PPP2R5D: variants seen among roughly 807,000 people sequenced by gnomAD.
PPP2R5D encodes protein phosphatase 2 regulatory subunit B'delta, also known as serine/threonine-protein phosphatase 2A 56 kDa regulatory subunit delta isoform.
PPP2R5D carries 12 observed loss-of-function variants against 79.1 expected under a neutral mutation model. The ratio of observed to expected loss-of-function variants is 0.15; its 90% CI spans 0.10 to 0.25. The LOEUF is 0.25. PPP2R5D is among the 10% of genes least tolerant of loss of function. The pLI, the probability that PPP2R5D is intolerant of heterozygous loss-of-function variation, is 1.00. For synonymous variants in PPP2R5D, 277 were observed against 286.6 expected, an observed-to-expected ratio of 0.97 and a Z score of 0.34; for missense variants, 419 against 760.2, an observed-to-expected ratio of 0.55 and a Z score of 5.28.
intron 2 of PPP2R5D, among the ~76,000 whole-genome samples, chr6:42,995,672 T>A (rs1207003215): frequency 1.3e-5 from 2 of 149,196 alleles, no homozygotes; most frequent in Non-Finnish European, 3.0e-5. Flanking sequence ...CCTGCCTCAG[T>A]CTCCCAAGTA....
At chr6:42,994,016 A>T (rs924014122) in intron 2 of PPP2R5D, among the ~76,000 whole-genome samples, 1 of 152,216 alleles carries the variant, frequency 6.6e-6, no homozygotes, top group African/African-American at 2.4e-5. Flanking sequence ...ACTGAGGCTT[A>T]GAAATGTTAA....
rs539718065 is a variant in PPP2R5D at position 43,004,004 on chromosome 6, C to T, written c.106-2459C>T. 3.8e-4 allele frequency among the ~76,000 whole-genome samples: 58 copies of T among 151,500 alleles called. 1 individual carries two copies. Among genetic ancestry groups the T allele is most frequent in the African/African-American group, 1.3e-3 (53 of 41,202 alleles). The stretch of plus-strand genomic sequence containing the variant: ...AAGTGTTGGGATTACAGGCGTGAGC[C>T]ACCGCGCCCGGCCTGTGTATTTACT... On this transcript the variant is annotated intron_variant, in intron 2 of 15. Transcript: ENST00000485511.
chr6:43,001,586 A>G (rs1364574982), intron 2 of PPP2R5D, among the ~76,000 whole-genome samples: 1 of 152,016 alleles, frequency 6.6e-6, no homozygotes, highest in African/African-American at 2.4e-5. Context: ...GGTACCTCTT[A>G]TAAAATGCTT....
chr6:42,985,687 C>A (rs1770789491), intron 1 of PPP2R5D, among the ~76,000 whole-genome samples: 1 of 151,832 alleles, frequency 6.6e-6, no homozygotes, highest in Admixed American at 6.6e-5. Context: ...TTTGTCCTCA[C>A]TGTCAGATTA....
Position 43,011,555 on chromosome 6 carries a change from T to C in PPP2R5D, c.*269T>C. 1.9e-6 allele frequency: 1 copy of C among 516,038 alleles called. No homozygotes were observed. The highest frequency in any genetic ancestry group is 1.9e-5 in the African/African-American group (1 of 52,316). The allele number at this position is 516,038 out of a possible 1,614,324, so 32.0% of individuals were successfully genotyped here. ...AACCTGGGGATGCCTGTCCCCTACC[T>C]GCTCCTCACCCACAGCTACCTGAGG... On this transcript the variant is annotated 3_prime_UTR_variant, in exon 16 of 16. Coordinates refer to ENST00000485511, the MANE Select transcript of PPP2R5D (RefSeq NM_006245.4).
chr6:43,002,971 C>T (rs1229011878), intron 2 of PPP2R5D, among the ~76,000 whole-genome samples: 2 of 152,124 alleles, frequency 1.3e-5, no homozygotes, highest in Non-Finnish European at 2.9e-5. Context: ...CAAGGGCTGT[C>T]CTGTGGTTTA....
At position 43,010,363 on chromosome 6, in the gene PPP2R5D, T is replaced by C; in HGVS notation, c.1380-105T>C. ...AGGTTTGTGAACTGGAAGTAGTAAATGACAAAGCTCTTAGCAGAGATACCC... is the reference window on the plus strand; with the variant it reads ...AGGTTTGTGAACTGGAAGTAGTAAACGACAAAGCTCTTAGCAGAGATACCC... On this transcript the variant is annotated intron_variant, in intron 12 of 15. Transcript: ENST00000485511. The surrounding 1 kb of genome is among the most constrained non-coding windows in gnomAD (Gnocchi z 4.7). The C allele has an allele frequency of 1.1e-6, 1 of 895,902 alleles. No homozygotes were observed. 55.5% of individuals were successfully genotyped at this position (895,902 alleles called of 1,614,324 possible).
intron 1 of PPP2R5D, among the ~76,000 whole-genome samples, chr6:42,984,916 C>T (rs1179586164): frequency 1.3e-5 from 2 of 151,250 alleles, no homozygotes; most frequent in African/African-American, 4.9e-5. Flanking sequence ...GAGAGACTCC[C>T]CCCACATACA....
intron 2 of PPP2R5D, among the ~76,000 whole-genome samples, chr6:42,996,954 CTT>C (rs1771739833): frequency 6.6e-6 from 1 of 152,042 alleles, no homozygotes; most frequent in African/African-American, 2.4e-5. Context: ...TCATCTTTCT[CTT>C]ATATTAAATA....
chr6:42,987,182 T>C (rs1334805987), intron 1 of PPP2R5D, among the ~76,000 whole-genome samples: 1 of 152,220 alleles, frequency 6.6e-6, no homozygotes, highest in Non-Finnish European at 1.5e-5. Context: ...GTGTTTGGCC[T>C]TGGATGGGAA....
chr6:42,987,997 G>A (rs1173967581), intron 1 of PPP2R5D, among the ~76,000 whole-genome samples: 1 of 152,104 alleles, frequency 6.6e-6, no homozygotes, highest in Non-Finnish European at 1.5e-5. Flanking sequence ...CTCAGCCACT[G>A]ATAAGGGTCA....
In PPP2R5D at chr6:43,010,556, G is replaced by A; in HGVS notation, c.1468G>A (p.Ala490Thr). 1 of 1,614,020 alleles carries A rather than the reference G, an allele frequency of 6.2e-7. No homozygotes were observed. Among genetic ancestry groups the A allele is most frequent in the Non-Finnish European group, 8.5e-7 (1 of 1,179,958 alleles). ...LFDDCTQQYK[A>T]EKQKGRFRMK... Reference sequence around the variant, plus strand: ...TGATGACTGCACACAACAATACAAGGCAGAGAAGCAGAAGTGAGTATCTCT... The same window carrying A: ...TGATGACTGCACACAACAATACAAGACAGAGAAGCAGAAGTGAGTATCTCT... Residue 490 changes from alanine (A) to threonine (T), a missense_variant, in exon 13 of 16, where the codon GCA becomes ACA. Ala to Thr is a moderately conservative substitution (Grantham distance 58). Transcript: ENST00000485511. This position sits in a 1 kb window ranked among gnomAD's most constrained non-coding sequence, Gnocchi z 4.7.
rs542854964 is a variant in PPP2R5D, at chr6:43,001,305, C to A, written c.106-5158C>A. On this transcript the variant is annotated intron_variant, in intron 2 of 15. Transcript: ENST00000485511. ...TATAGGCATGCGCCACCTCGCCCGG[C>A]TAACTGTATTTTTAGTTGAGTTGGG... 8.5e-5 allele frequency among the ~76,000 whole-genome samples: 13 copies of A among 152,238 alleles called. No homozygotes were observed. The East Asian group carries it at 2.3e-3, about 27-fold the overall frequency.
Position 43,007,578 on chromosome 6 carries a change from C to T in PPP2R5D, c.726+72C>T, listed in dbSNP as rs1561850439. The T allele has an allele frequency of 7.2e-7, 1 of 1,388,316 alleles. No individual in the cohort carries two copies. Among genetic ancestry groups the T allele is most frequent in the African/African-American group, 1.4e-5 (1 of 69,988 alleles). 86.0% of individuals were successfully genotyped at this position (1,388,316 alleles called of 1,614,324 possible). ...CCCCTTCATCTGTGTCCCAGTGGCT[C>T]TTTCCCCTTAAGCTGAATATATTGG... On this transcript the variant is annotated intron_variant, in intron 6 of 15. Transcript: ENST00000485511. This position sits in a 1 kb window ranked among gnomAD's most constrained non-coding sequence, Gnocchi z 4.5.
Position 43,008,343 on chromosome 6 carries a change from T to C in PPP2R5D, c.918-24T>C. The C allele has an allele frequency of 6.2e-7, 1 of 1,613,178 alleles. No homozygotes were observed. The highest frequency in any genetic ancestry group is 8.5e-7 in the Non-Finnish European group (1 of 1,179,170). On this transcript the variant is annotated intron_variant, in intron 8 of 15. Coordinates refer to ENST00000485511, the MANE Select transcript of PPP2R5D (RefSeq NM_006245.4). The surrounding 1 kb of genome is among the most constrained non-coding windows in gnomAD (Gnocchi z 4.2). ...GAACTTGGATCTGACCCTCTGGTCC[T>C]AACAAATGTCCCTTAATTCCTAGCA... is the stretch of plus-strand genomic sequence containing the variant.
intron 2 of PPP2R5D, among the ~76,000 whole-genome samples, chr6:43,002,452 C>T (rs529982362): frequency 4.6e-5 from 7 of 152,226 alleles, no homozygotes; most frequent in East Asian, 3.9e-4. Context: ...TGTGAGCCAC[C>T]GTGCCTGGCC....
At chr6:42,997,505 TTTTTA>T (rs1387378432) in intron 2 of PPP2R5D, among the ~76,000 whole-genome samples, 6 of 150,394 alleles carry the variant, frequency 4.0e-5, no homozygotes, top group South Asian at 2.1e-4. Flanking sequence ...TTTATTTTTA[TTTTTA>T]TTTTATTTTA....
At position 43,011,149 on chromosome 6, in the gene PPP2R5D, A is replaced by G. The variant is rs1762333337; in HGVS notation, c.1672A>G (p.Met558Val). 6.2e-7 allele frequency: 1 copy of G among 1,614,148 alleles called. No homozygotes were observed. The highest frequency in any genetic ancestry group is 1.1e-5 in the South Asian group (1 of 91,086). Reference protein sequence around the residue: ...KRTVETEAVQMLKDIKKEKVL... With the variant: ...KRTVETEAVQVLKDIKKEKVL... Reference sequence around the variant, plus strand: ...TCACCTTGTCCCTATTCACACACAGATGCTAAAAGACATCAAGAAGGAGAA... The same window carrying G: ...TCACCTTGTCCCTATTCACACACAGGTGCTAAAAGACATCAAGAAGGAGAA... The change falls in exon 16 of 16, where the codon ATG becomes GTG. Residue 558 changes from methionine (M) to valine (V), a missense_variant and splice_region_variant. Met to Val is a conservative substitution (Grantham distance 21). Transcript: ENST00000485511.
At chr6:42,988,181 C>G (rs559910101) in intron 1 of PPP2R5D, among the ~76,000 whole-genome samples, 6 of 152,180 alleles carry the variant, frequency 3.9e-5, no homozygotes, top group Non-Finnish European at 8.8e-5. Context: ...ATCCTTTTGC[C>G]CCCATAGTCA....
Sources: allele counts gnomAD v4.1 joint callset (sites outside exome capture counted in the v4.1 genomes callset), GRCh38; gene constraint gnomAD v4.1.1; non-coding constraint Gnocchi (gnomAD v3.1); transcripts MANE v1.5; gene names NCBI Gene and HGNC (gene_info 2026-07-23, HGNC 2026-07-21).